KLHDC7B: variants seen among roughly 807,000 people sequenced by gnomAD.
The protein encoded by KLHDC7B is kelch domain containing 7B.
Under a neutral mutation model 0.6 loss-of-function variants are expected in KLHDC7B, and 1 was observed. The ratio of observed to expected loss-of-function variants is 1.71; its 90% confidence interval spans 0.61 to 8.11. The LOEUF is 8.11. Among genes scored for constraint, KLHDC7B ranks in the 30% most tolerant of loss-of-function variants. The probability of loss-of-function intolerance (pLI) is 0.13; values close to 1 mark genes in which losing one functional copy is unlikely to be tolerated. For synonymous variants in KLHDC7B, 462 were observed against 405.2 expected, an observed-to-expected ratio of 1.14 and a Z score of -1.68; for missense variants, 993 against 894.9, an observed-to-expected ratio of 1.11 and a Z score of -1.40.
Position 50,546,962 on chromosome 22 carries a change from A to C in KLHDC7B, c.719A>C (p.Asp240Ala), listed in dbSNP as rs1040965155. Among the ~76,000 whole-genome samples the C allele has an allele frequency of 6.6e-6, 1 of 151,136 alleles. No homozygotes were observed. The highest frequency in any genetic ancestry group is 2.4e-5 in the African/African-American group (1 of 41,124). The change falls in exon 1 of 1, where the codon GAC (aspartate) becomes GCC (alanine). Residue 240 changes from aspartate to alanine, a missense_variant. By Grantham distance (126) the Asp-to-Ala change is moderately radical (BLOSUM62 -2). Transcript: ENST00000648057. ...RRRRMDAGSG[D>A]RARRPRKLDP... Reference sequence around the variant, plus strand: ...CGGCGGATGGACGCTGGCTCGGGAGACAGAGCCCGCCGCCCCCGGAAACTG... The same window carrying C: ...CGGCGGATGGACGCTGGCTCGGGAGCCAGAGCCCGCCGCCCCCGGAAACTG...
Position 50,549,536 on chromosome 22 carries a change from G to C in KLHDC7B, c.3293G>C (p.Gly1098Ala). 1 of 1,605,112 alleles carries C rather than the reference G, an allele frequency of 6.2e-7. No homozygotes were observed. Among genetic ancestry groups the C allele is most frequent in the East Asian group, 2.2e-5 (1 of 44,708 alleles). ...ACRGDIYVTG[G>A]HLFYRLLRYS... The stretch of plus-strand genomic sequence containing the variant: ...CGTGGGGACATCTACGTCACCGGGG[G>C]TCACCTCTTCTACCGCCTGCTCAGG... Residue 1098 changes from glycine (G) to alanine (A), a missense_variant, in exon 1 of 1, where the codon GGT (glycine) becomes GCT (alanine). Gly to Ala is a moderately conservative substitution (Grantham distance 60, BLOSUM62 0). Coordinates refer to ENST00000648057, the MANE Select transcript of KLHDC7B (RefSeq NM_138433.5).
chr22:50,548,184 C>A lies in KLHDC7B; in HGVS notation c.1941C>A (p.His647Gln). The change falls in exon 1 of 1, where the codon CAC (histidine) becomes CAA (glutamine). Residue 647 changes from histidine (H) to glutamine (Q), a missense_variant. Coordinates refer to ENST00000648057, the MANE Select transcript of KLHDC7B (RefSeq NM_138433.5). This position sits in a 1 kb window ranked among gnomAD's most constrained non-coding sequence, Gnocchi z 5.3. ...TTATTGCCATGGTTCTTAGAAGCCACCCCTTCCCCAGGCAAGACAGGCCCC... is the reference window on the plus strand; with the variant it reads ...TTATTGCCATGGTTCTTAGAAGCCAACCCTTCCCCAGGCAAGACAGGCCCC... ...GNLIAMVLRS[H>Q]PFPRQDRPQG... The A allele has an allele frequency of 6.6e-7, 1 of 1,524,266 alleles. No homozygotes were observed. The highest frequency in any genetic ancestry group is 1.2e-5 in the South Asian group (1 of 81,786). The allele number at this position is 1,524,266 out of a possible 1,614,324, so 94.4% of individuals were successfully genotyped here. A position where few individuals can be genotyped will look rare whatever the true frequency, so the allele number is the denominator to read the frequency against.
Position 50,549,172 on chromosome 22 carries a change from A to T in KLHDC7B, c.2929A>T (p.Thr977Ser), listed in dbSNP as rs142853011. The change falls in exon 1 of 1, where the codon ACC (threonine) becomes TCC (serine). Residue 977 changes from threonine (T) to serine (S), a missense_variant. Coordinates refer to ENST00000648057, the MANE Select transcript of KLHDC7B (RefSeq NM_138433.5). ...NPRENTWRPL[T>S]QVPEEAPLRG... ...CCGGGAGAACACCTGGCGGCCCCTG[A>T]CCCAGGTGCCCGAGGAGGCCCCGCT... 1.7e-4 allele frequency: 276 copies of T among 1,605,188 alleles called. 1 individual carries two copies. The East Asian group carries it at 6.0e-3, about 35-fold the overall frequency.
At position 50,549,796 on chromosome 22, in the gene KLHDC7B, C is replaced by A. The variant is rs1237309404; in HGVS notation, c.3553C>A (p.Leu1185Ile). ...CACCCTGGGCAACACCATTTACTGCCTCAACCCCCAGGTCACTGCCACCTT... is the reference window on the plus strand; with the variant it reads ...CACCCTGGGCAACACCATTTACTGCATCAACCCCCAGGTCACTGCCACCTT... ...CTTLGNTIYC[L>I]NPQVTATFTV... The change falls in exon 1 of 1, where the codon CTC becomes ATC. Residue 1185 changes from leucine (L) to isoleucine (I), a missense_variant. Leu to Ile is a conservative substitution (Grantham distance 5). Coordinates refer to ENST00000648057, the MANE Select transcript of KLHDC7B (RefSeq NM_138433.5). The A allele has an allele frequency of 1.9e-6, 3 of 1,597,834 alleles. No homozygotes were observed. The highest frequency in any genetic ancestry group is 1.7e-6 in the Non-Finnish European group (2 of 1,174,242).
chr22:50,550,946 C>A lies in KLHDC7B; in HGVS notation c.*995C>A. 1 of 317,518 alleles carries A rather than the reference C, an allele frequency of 3.1e-6. No individual in the cohort carries two copies. The highest frequency in any genetic ancestry group is 4.3e-5 in the Admixed American group (1 of 23,448). 19.7% of individuals were successfully genotyped at this position (317,518 alleles called of 1,614,324 possible). On this transcript the variant is annotated 3_prime_UTR_variant, in exon 1 of 1. Transcript: ENST00000648057. Reference sequence around the variant, plus strand: ...ACTCCAACCTCCAGCCTGGATGTCCCTGTCTGGGCCCTTTTTCTGTTTTTT... The same window carrying A: ...ACTCCAACCTCCAGCCTGGATGTCCATGTCTGGGCCCTTTTTCTGTTTTTT...
In KLHDC7B at chr22:50,546,292, T is replaced by A. The variant is rs1270941806; in HGVS notation, c.49T>A (p.Trp17Arg). The A allele has an allele frequency of 2.5e-6, 1 of 398,296 alleles. No individual in the cohort carries two copies. Among genetic ancestry groups the A allele is most frequent in the Non-Finnish European group, 4.4e-6 (1 of 225,978 alleles). 24.7% of individuals were successfully genotyped at this position (398,296 alleles called of 1,614,324 possible). Residue 17 changes from tryptophan to arginine, a missense_variant, in exon 1 of 1, where the codon TGG becomes AGG. Trp to Arg is a moderately radical substitution (Grantham distance 101). Transcript: ENST00000648057. ...EPDGPLWGWD[W>R]DSDNDWDSAV... ...AGATGGTCCCCTCTGGGGCTGGGAC[T>A]GGGACAGTGACAATGACTGGGATAG...
Position 50,546,566 on chromosome 22 carries a change from C to G in KLHDC7B, c.323C>G (p.Pro108Arg), listed in dbSNP as rs1366167137. 10 of 398,442 alleles carry G rather than the reference C, an allele frequency of 2.5e-5. No homozygotes were observed. The highest frequency in any genetic ancestry group is 4.4e-5 in the Non-Finnish European group (10 of 225,908). 24.7% of individuals were successfully genotyped at this position (398,442 alleles called of 1,614,324 possible). ...GGACGCGGCCAGCAGAGCCCTGTCC[C>G]TGCTGCAGCGCCGGGCGGGGGCCTG... ...PPGRGQQSPV[P>R]AAAPGGGLAA... Residue 108 changes from proline (P) to arginine (R), a missense_variant, in exon 1 of 1, where the codon CCT (proline) becomes CGT (arginine). Transcript: ENST00000648057.
In KLHDC7B at chr22:50,547,980, A is replaced by G; in HGVS notation, c.1737A>G (p.Leu579=). 3.2e-6 allele frequency: 1 copy of G among 313,462 alleles called. No homozygotes were observed. Among genetic ancestry groups the G allele is most frequent in the Non-Finnish European group, 4.6e-6 (1 of 215,308 alleles). The allele number at this position is 313,462 out of a possible 1,614,324, so 19.4% of individuals were successfully genotyped here. A position where few individuals can be genotyped will look rare whatever the true frequency, so the allele number is the denominator to read the frequency against. ...PALTPVPTPA[L]SPAPTPAPTP... ...TAACCCCAGTCCCAACCCCAGCCCT[A>G]AGCCCAGCTCCAACTCCAGCCCCAA... Residue 579 remains leucine (L), a synonymous_variant, in exon 1 of 1, where the codon CTA becomes CTG. Coordinates refer to ENST00000648057, the MANE Select transcript of KLHDC7B (RefSeq NM_138433.5).
Position 50,548,147 on chromosome 22 carries a change from G to C in KLHDC7B, c.1904G>C (p.Ser635Thr), listed in dbSNP as rs1201613183. The C allele has an allele frequency of 6.8e-7, 1 of 1,481,290 alleles. No individual in the cohort carries two copies. Among genetic ancestry groups the C allele is most frequent in the Non-Finnish European group, 9.0e-7 (1 of 1,111,206 alleles). 91.8% of individuals were successfully genotyped at this position (1,481,290 alleles called of 1,614,324 possible). A position where few individuals can be genotyped will look rare whatever the true frequency, so the allele number is the denominator to read the frequency against. ...TACCAGGAGGGGCAGGTCTCAGCCAGCTGGGGAAACCTTATTGCCATGGTT... is the reference window on the plus strand; with the variant it reads ...TACCAGGAGGGGCAGGTCTCAGCCACCTGGGGAAACCTTATTGCCATGGTT... ...RRYQEGQVSA[S>T]WGNLIAMVLR... is the part of the protein sequence containing the mutation. The change falls in exon 1 of 1, where the codon AGC becomes ACC. Residue 635 changes from serine (S) to threonine (T), a missense_variant. Physicochemically the swap from Ser to Thr is moderately conservative, Grantham distance 58. Transcript: ENST00000648057. This position sits in a 1 kb window ranked among gnomAD's most constrained non-coding sequence, Gnocchi z 5.3.
At position 50,549,641 on chromosome 22, in the gene KLHDC7B, G is replaced by A. The variant is rs2069782313; in HGVS notation, c.3398G>A (p.Gly1133Glu). The A allele has an allele frequency of 6.4e-7, 1 of 1,556,476 alleles. No individual in the cohort carries two copies. Among genetic ancestry groups the A allele is most frequent in the South Asian group, 1.2e-5 (1 of 82,750 alleles). ...CGTTCCAGCGACATCGTGGCACTGG[G>A]GGGCTTCCTGTACCGCTTCGACCTG... ...HRRSSDIVALGGFLYRFDLLR... is the reference protein window; with the variant it reads ...HRRSSDIVALEGFLYRFDLLR... The change falls in exon 1 of 1, where the codon GGG (glycine) becomes GAG (glutamate). Residue 1133 changes from glycine (G) to glutamate (E), a missense_variant. Coordinates refer to ENST00000648057, the MANE Select transcript of KLHDC7B (RefSeq NM_138433.5).
In KLHDC7B at chr22:50,549,200, G is replaced by C. The variant is rs776351172; in HGVS notation, c.2957G>C (p.Arg986Pro). ...CAGGTGCCCGAGGAGGCCCCGCTTCGGGGCTGCGGTCTCTGCACCATGCAC... is the reference window on the plus strand; with the variant it reads ...CAGGTGCCCGAGGAGGCCCCGCTTCCGGGCTGCGGTCTCTGCACCATGCAC... ...LTQVPEEAPL[R>P]GCGLCTMHNY... is the part of the protein sequence containing the mutation. Residue 986 changes from arginine (R) to proline (P), a missense_variant, in exon 1 of 1, where the codon CGG (arginine) becomes CCG (proline). Physicochemically the swap from Arg to Pro is moderately radical, Grantham distance 103. Coordinates refer to ENST00000648057, the MANE Select transcript of KLHDC7B (RefSeq NM_138433.5). 3.1e-6 allele frequency: 5 copies of C among 1,606,718 alleles called. No homozygotes were observed. In the South Asian group the frequency reaches 5.5e-5, roughly 18 times the overall value.
In KLHDC7B at chr22:50,548,279, G is replaced by C; in HGVS notation, c.2036G>C (p.Arg679Thr). 6.4e-7 allele frequency: 1 copy of C among 1,551,216 alleles called. No individual in the cohort carries two copies. The highest frequency in any genetic ancestry group is 8.7e-7 in the Non-Finnish European group (1 of 1,146,968). ...GPSTSTHSED[R>T]HGPSSSVGTV... ...AGCACTTCCACACACTCTGAGGACA[G>C]ACACGGCCCCTCTTCTTCAGTGGGG... Residue 679 changes from arginine to threonine, a missense_variant, in exon 1 of 1, where the codon AGA (arginine) becomes ACA (threonine). Transcript: ENST00000648057. The surrounding 1 kb of genome is among the most constrained non-coding windows in gnomAD (Gnocchi z 5.3).
rs774373269 is a variant in KLHDC7B, at chr22:50,549,887, C to G, written c.3644C>G (p.Thr1215Ser). 1.9e-6 allele frequency: 3 copies of G among 1,588,564 alleles called. No homozygotes were observed. The highest frequency in any genetic ancestry group is 2.3e-5 in the South Asian group (2 of 88,364). ...CTGCAGCCCTTCCCCTTGGGGAGCA[C>G]CGGGGTCCTCAGTCCATTCATCCTG... ...KELQPFPLGS[T>S]GVLSPFILTL... Residue 1215 changes from threonine (T) to serine (S), a missense_variant, in exon 1 of 1, where the codon ACC (threonine) becomes AGC (serine). Coordinates refer to ENST00000648057, the MANE Select transcript of KLHDC7B (RefSeq NM_138433.5).
rs1169179054 is a variant in KLHDC7B, at chr22:50,549,638, T to TG, written c.1478dup (p.Phe494LeufsTer94). 1.3e-6 allele frequency: 2 copies of TG among 1,556,122 alleles called. No individual in the cohort carries two copies. The highest frequency in any genetic ancestry group is 1.7e-6 in the Non-Finnish European group (2 of 1,148,264). ...CGGCGTTCCAGCGACATCGTGGCAC[T>TG]GGGGGGCTTCCTGTACCGCTTCGAC... On this transcript the variant is annotated frameshift_variant, in exon 1 of 1. Coordinates refer to the KLHDC7B transcript ENST00000395676. LOFTEE classifies it low-confidence loss of function (END_TRUNC).
Position 50,548,386 on chromosome 22 carries a change from C to T in KLHDC7B, c.2143C>T (p.Pro715Ser). 6.4e-7 allele frequency: 1 copy of T among 1,553,684 alleles called. No individual in the cohort carries two copies. Among genetic ancestry groups the T allele is most frequent in the Non-Finnish European group, 8.7e-7 (1 of 1,148,394 alleles). ...QPRSSETNGS[P>S]SPDPPPGLRG... is the part of the protein sequence containing the mutation. ...AAGAAGCTCCGAGACCAACGGATCGCCCAGCCCAGACCCTCCCCCAGGCCT... is the reference window on the plus strand; with the variant it reads ...AAGAAGCTCCGAGACCAACGGATCGTCCAGCCCAGACCCTCCCCCAGGCCT... The change falls in exon 1 of 1, where the codon CCC (proline) becomes TCC (serine). Residue 715 changes from proline to serine, a missense_variant. Transcript: ENST00000648057. This position sits in a 1 kb window ranked among gnomAD's most constrained non-coding sequence, Gnocchi z 5.3.
rs1285579665 is a variant in KLHDC7B at position 50,546,771 on chromosome 22, G to A, written c.528G>A (p.Leu176=). The change falls in exon 1 of 1, where the codon CTG becomes CTA. Residue 176 remains leucine, a synonymous_variant. Coordinates refer to ENST00000648057, the MANE Select transcript of KLHDC7B (RefSeq NM_138433.5). ...CAGGGGGGATGTCCGCCCCCCTCCT[G>A]ATCCACTTCACTCCTCGGAGCCCTG... ...SEAGGMSAPL[L]IHFTPRSPGS... Among the ~76,000 whole-genome samples the A allele has an allele frequency of 6.6e-6, 1 of 152,166 alleles. No homozygotes were observed. Among genetic ancestry groups the A allele is most frequent in the Non-Finnish European group, 1.5e-5 (1 of 67,998 alleles).
In KLHDC7B at chr22:50,548,643, G is replaced by T; in HGVS notation, c.2400G>T (p.Pro800=). The part of the protein sequence containing the change: ...AASGDPQGEA[P]GEGGSPAGRS... ...CGGGGGACCCTCAAGGGGAGGCGCC[G>T]GGGGAGGGGGGCAGCCCTGCCGGCC... Residue 800 remains proline, a synonymous_variant, in exon 1 of 1, where the codon CCG becomes CCT. Transcript: ENST00000648057. The surrounding 1 kb of genome is among the most constrained non-coding windows in gnomAD (Gnocchi z 5.3). The T allele has an allele frequency of 6.5e-7, 1 of 1,532,632 alleles. No individual in the cohort carries two copies. The highest frequency in any genetic ancestry group is 1.4e-5 in the African/African-American group (1 of 71,940). The allele number at this position is 1,532,632 out of a possible 1,614,324, so 94.9% of individuals were successfully genotyped here.
At position 50,548,072 on chromosome 22, in the gene KLHDC7B, CCCCAGCTGACG is replaced by C; in HGVS notation, c.-94_-84del. ...ACCCCAACCCCAGCCGCATCCCCTG[CCCCAGCTGACG>C]GGTCAAAGCCTCAGGAGAGTGTGGC... On this transcript the variant is annotated 5_prime_UTR_variant, in exon 1 of 1. Transcript: ENST00000395676. This position sits in a 1 kb window ranked among gnomAD's most constrained non-coding sequence, Gnocchi z 5.3. 1 of 1,379,314 alleles carries C rather than the reference CCCCAGCTGACG, an allele frequency of 7.2e-7. No homozygotes were observed. The highest frequency in any genetic ancestry group is 9.4e-7 in the Non-Finnish European group (1 of 1,068,470). The allele number at this position is 1,379,314 out of a possible 1,614,324, so 85.4% of individuals were successfully genotyped here. A position where few individuals can be genotyped will look rare whatever the true frequency, so the allele number is the denominator to read the frequency against.
In KLHDC7B at chr22:50,548,167, A is replaced by G. The variant is rs992238491; in HGVS notation, c.1924A>G (p.Met642Val). ...VSASWGNLIAMVLRSHPFPRQ... is the reference protein window; with the variant it reads ...VSASWGNLIAVVLRSHPFPRQ... ...AGCCAGCTGGGGAAACCTTATTGCC[A>G]TGGTTCTTAGAAGCCACCCCTTCCC... The change falls in exon 1 of 1, where the codon ATG becomes GTG. Residue 642 changes from methionine to valine, a missense_variant. Physicochemically the swap from Met to Val is conservative, Grantham distance 21. Coordinates refer to ENST00000648057, the MANE Select transcript of KLHDC7B (RefSeq NM_138433.5). The surrounding 1 kb of genome is among the most constrained non-coding windows in gnomAD (Gnocchi z 5.3). 6.6e-7 allele frequency: 1 copy of G among 1,507,658 alleles called. No homozygotes were observed. The highest frequency in any genetic ancestry group is 2.1e-5 in the Admixed American group (1 of 47,114). 93.4% of individuals were successfully genotyped at this position (1,507,658 alleles called of 1,614,324 possible). A position where few individuals can be genotyped will look rare whatever the true frequency, so the allele number is the denominator to read the frequency against.
Sources: allele counts gnomAD v4.1 joint callset (sites outside exome capture counted in the v4.1 genomes callset), GRCh38; gene constraint gnomAD v4.1.1; non-coding constraint Gnocchi (gnomAD v3.1); transcripts MANE v1.5; gene names NCBI Gene and HGNC (gene_info 2026-07-23, HGNC 2026-07-21).